Variants in ZC3H12C observed in about 807,000 individuals in gnomAD.
ZC3H12C encodes the protein zinc finger CCCH-type containing 12C, also known as probable ribonuclease ZC3H12C.
ZC3H12C carries 20 observed loss-of-function variants against 76.3 expected under a neutral mutation model. The ratio of observed to expected loss-of-function variants is 0.26; its 90% CI spans 0.18 to 0.38. The LOEUF is 0.38. Ranked by LOEUF, ZC3H12C falls within the 10% of genes least tolerant of loss-of-function variation. The pLI is 1.00. For missense variants in ZC3H12C, 874 were observed against 1,086.5 expected (o/e 0.80, Z 2.75); for synonymous variants, 352 against 399.6 (o/e 0.88, Z 1.42).
intron 3 of ZC3H12C, among the ~76,000 whole-genome samples, chr11:110,157,995 G>T (rs1013345315): frequency 6.6e-6 from 1 of 152,152 alleles, no homozygotes; most frequent in Non-Finnish European, 1.5e-5. Flanking sequence ...AATAAGCATT[G>T]AGAAGAAGTG....
chr11:110,135,490 C>CAAAAAA (rs60107794), intron 1 of ZC3H12C, among the ~76,000 whole-genome samples: 2 of 95,302 alleles, frequency 2.1e-5, no homozygotes, highest in Non-Finnish European at 3.8e-5. Context: ...ACTCCCGTCT[C>CAAAAAA]AAAAAAAAAA....
chr11:110,165,384 C>A lies in ZC3H12C; in HGVS notation c.2299C>A (p.Pro767Thr), dbSNP rs1177260503. The A allele has an allele frequency of 6.2e-7, 1 of 1,614,022 alleles. No individual in the cohort carries two copies. Among genetic ancestry groups the A allele is most frequent in the Non-Finnish European group, 8.5e-7 (1 of 1,179,900 alleles). ...YDSSPSRQRK[P>T]YSRQEGLGSW... is the part of the protein sequence containing the mutation. ...CAGTTCTCCTTCACGACAAAGAAAGCCTTATTCCCGCCAGGAAGGCCTGGG... is the reference window on the plus strand; with the variant it reads ...CAGTTCTCCTTCACGACAAAGAAAGACTTATTCCCGCCAGGAAGGCCTGGG... Residue 767 changes from proline (P) to threonine (T), a missense_variant, in exon 6 of 6, where the codon CCT becomes ACT. Pro to Thr is a conservative substitution (Grantham distance 38). This residue lies in a region of ZC3H12C where 395 missense variants were observed against 434.4 expected (regional missense o/e 0.91). Coordinates refer to ENST00000278590, the MANE Select transcript of ZC3H12C (RefSeq NM_033390.2).
At chr11:110,127,700 GC>G (rs1861775592) in intron 1 of ZC3H12C, among the ~76,000 whole-genome samples, 1 of 151,694 alleles carries the variant, frequency 6.6e-6, no homozygotes, top group African/African-American at 2.4e-5. Context: ...ATTGAGACCA[GC>G]CTGGGCAACA....
intron 4 of ZC3H12C, among the ~76,000 whole-genome samples, chr11:110,162,519 T>G (rs1862498790): frequency 6.6e-6 from 1 of 152,256 alleles, no homozygotes; most frequent in African/African-American, 2.4e-5. Flanking sequence ...AGCAGAATTC[T>G]TCAAGCATAA....
chr11:110,163,604 CTG>C (rs1246449982), intron 5 of ZC3H12C, among the ~76,000 whole-genome samples: 2 of 152,294 alleles, frequency 1.3e-5, no homozygotes, highest in South Asian at 4.1e-4. Context: ...TCAAAAAACA[CTG>C]TTAATTCTAC....
At chr11:110,136,593 C>T (rs1861963040) in intron 1 of ZC3H12C, 70 bp from the exon 2 acceptor site, 3 of 1,507,946 alleles carry the variant, frequency 2.0e-6, no homozygotes, top group South Asian at 2.6e-5. Context: ...TAATTCTCTT[C>T]TGACTTCTCC....
At chr11:110,141,744 A>G (rs956081129) in intron 2 of ZC3H12C, among the ~76,000 whole-genome samples, 1 of 152,226 alleles carries the variant, frequency 6.6e-6, no homozygotes, top group African/African-American at 2.4e-5. Context: ...TGCTGTAAAT[A>G]TAAACTACAT....
chr11:110,154,604 GTGGT>G (rs1435234234), intron 3 of ZC3H12C, among the ~76,000 whole-genome samples: 1 of 151,822 alleles, frequency 6.6e-6, no homozygotes, highest in African/African-American at 2.4e-5. Flanking sequence ...TAAATTCCAG[GTGGT>G]TGAAGACTAA....
At chr11:110,158,511 G>T (rs75083562) in intron 3 of ZC3H12C, among the ~76,000 whole-genome samples, 1 of 143,640 alleles carries the variant, frequency 7.0e-6, no homozygotes, top group African/African-American at 2.5e-5. Flanking sequence ...CTCAGTCACA[G>T]AAAAAAAAAA....
In ZC3H12C at chr11:110,171,767, T is replaced by C. The variant is rs1862685294; in HGVS notation, c.*6030T>C. 6.6e-6 allele frequency: 1 copy of C among 152,228 alleles called. No homozygotes were observed. Among genetic ancestry groups the C allele is most frequent in the Non-Finnish European group, 1.5e-5 (1 of 68,042 alleles). The allele number at this position is 152,228 out of a possible 1,614,324, so 9.4% of individuals were successfully genotyped here. Reference sequence around the variant, plus strand: ...TTGTGTAAGATAAACACATGGTCAGTATCAATGTAAATGTTAGAGCCATGA... The same window carrying C: ...TTGTGTAAGATAAACACATGGTCAGCATCAATGTAAATGTTAGAGCCATGA... On this transcript the variant is annotated 3_prime_UTR_variant, in exon 6 of 6. Transcript: ENST00000278590.
chr11:110,093,455 G>T (rs1476365304), intron 1 of ZC3H12C, 23 bp downstream of exon 1: 2 of 1,204,664 alleles, frequency 1.7e-6, no homozygotes, highest in Non-Finnish European at 1.0e-6. Context: ...GAAGGGGGTG[G>T]GGGACGCGGA....
At chr11:110,113,531 C>A (rs1861472018) in intron 1 of ZC3H12C, among the ~76,000 whole-genome samples, 1 of 152,094 alleles carries the variant, frequency 6.6e-6, no homozygotes, top group Non-Finnish European at 1.5e-5. Context: ...CAATTCAATC[C>A]TATGTTTTTG....
At chr11:110,131,249 T>A in intron 1 of ZC3H12C, 2 of 706,608 alleles carry the variant, frequency 2.8e-6, no homozygotes, top group Non-Finnish European at 2.4e-6. Context: ...AAAATTAAGT[T>A]ATTTTTGTGA....
At chr11:110,097,380 C>T (rs73549257) in intron 1 of ZC3H12C, among the ~76,000 whole-genome samples, 5,111 of 152,278 alleles carry the variant, frequency 0.034, 173 homozygotes, top group East Asian at 0.086. Flanking sequence ...TAGAAAATCC[C>T]ATGGTCTTCC....
At chr11:110,150,170 TA>T (rs980567322) in intron 2 of ZC3H12C, among the ~76,000 whole-genome samples, 1 of 152,134 alleles carries the variant, frequency 6.6e-6, no homozygotes, top group African/African-American at 2.4e-5. Context: ...TTTTCCATGT[TA>T]ATTTTAAGAT....
At chr11:110,131,401 C>T (rs148306350) in intron 1 of ZC3H12C, 21 of 332,056 alleles carry the variant, frequency 6.3e-5, no homozygotes, top group South Asian at 5.9e-4. Flanking sequence ...ATAAATGTTC[C>T]GATATTTTTG....
intron 1 of ZC3H12C, among the ~76,000 whole-genome samples, chr11:110,097,959 G>A (rs996481496): frequency 2.6e-5 from 4 of 152,058 alleles, no homozygotes; most frequent in Non-Finnish European, 5.9e-5. Context: ...ATGTTACTGG[G>A]TTATTTATTT....
chr11:110,157,242 AC>A (rs1419327249), intron 3 of ZC3H12C, among the ~76,000 whole-genome samples: 3 of 151,892 alleles, frequency 2.0e-5, no homozygotes, highest in East Asian at 3.9e-4. Flanking sequence ...GTTGAAGAGC[AC>A]AGTGTTTACT....
At chr11:110,108,459 T>C (rs1021323762) in intron 1 of ZC3H12C, among the ~76,000 whole-genome samples, 8 of 152,198 alleles carry the variant, frequency 5.3e-5, no homozygotes, top group Non-Finnish European at 1.0e-4. Context: ...TAGCATGAGG[T>C]TTTTATTAAA....
Sources: allele counts gnomAD v4.1 joint callset (sites outside exome capture counted in the v4.1 genomes callset), GRCh38; gene constraint gnomAD v4.1.1; regional missense constraint gnomAD v4.1.1; transcripts MANE v1.5; gene names NCBI Gene and HGNC (gene_info 2026-07-23, HGNC 2026-07-21).